Variants in MACROD2 observed in about 807,000 individuals in gnomAD.
MACROD2 encodes the protein mono-ADP ribosylhydrolase 2, also known as ADP-ribose glycohydrolase MACROD2.
Under a neutral mutation model 70.4 loss-of-function variants are expected in MACROD2, and 36 were observed. The observed-to-expected ratio is 0.51, with a 90% confidence interval of 0.39 to 0.68. The LOEUF is 0.68. Ranked by LOEUF, MACROD2 falls within the 30% of genes least tolerant of loss-of-function variation. MACROD2 has a pLI of 0.00. For synonymous variants in MACROD2, 172 were observed against 178.8 expected (o/e 0.96, Z 0.30); for missense variants, 496 against 538.4 (o/e 0.92, Z 0.78).
chr20:14,250,302 T>C (rs1252057211), intron 3 of MACROD2, among the ~76,000 whole-genome samples: 1 of 152,174 alleles, frequency 6.6e-6, no homozygotes, highest in African/African-American at 2.4e-5. Flanking sequence ...GACATGTCTG[T>C]ATTGTATTTC....
At chr20:14,692,924 C>G (rs975468935) in intron 5 of MACROD2, among the ~76,000 whole-genome samples, 2 of 152,188 alleles carry the variant, frequency 1.3e-5, no homozygotes, top group Non-Finnish European at 2.9e-5. Flanking sequence ...TAAATGTTGT[C>G]TTTTAAAAAA....
chr20:14,998,600 T>G (rs1455739210), intron 5 of MACROD2, among the ~76,000 whole-genome samples: 1 of 151,852 alleles, frequency 6.6e-6, no homozygotes, highest in Non-Finnish European at 1.5e-5. Flanking sequence ...GAAAAAAGAA[T>G]AAAAAAGAAT....
intron 5 of MACROD2, among the ~76,000 whole-genome samples, chr20:14,891,119 T>C (rs2073754997): frequency 6.6e-6 from 1 of 151,738 alleles, no homozygotes; most frequent in South Asian, 2.1e-4. Context: ...TAAAAACCCA[T>C]ACTTGGATAT....
At chr20:15,559,448 C>T (rs902236937) in intron 8 of MACROD2, among the ~76,000 whole-genome samples, 7 of 152,062 alleles carry the variant, frequency 4.6e-5, no homozygotes, top group African/African-American at 9.7e-5. Flanking sequence ...ATATTGAAAT[C>T]GCAATCTTAT....
intron 4 of MACROD2, among the ~76,000 whole-genome samples, chr20:14,597,682 C>T (rs1057469215): frequency 6.6e-6 from 1 of 152,122 alleles, no homozygotes; most frequent in Non-Finnish European, 1.5e-5. Flanking sequence ...ATAATTAGCT[C>T]AACTTGCCTT....
intron 3 of MACROD2, among the ~76,000 whole-genome samples, chr20:14,420,314 C>G (rs1008721577): frequency 1.3e-5 from 2 of 152,002 alleles, no homozygotes; most frequent in African/African-American, 4.8e-5. Flanking sequence ...GCACCTGTAC[C>G]ATTTTACATT....
intron 13 of MACROD2, among the ~76,000 whole-genome samples, chr20:15,984,488 AT>A: frequency 6.6e-6 from 1 of 151,984 alleles, no homozygotes; most frequent in East Asian, 1.9e-4. Flanking sequence ...TTTTTATAAC[AT>A]TTTTTCTTTC....
intron 8 of MACROD2, among the ~76,000 whole-genome samples, chr20:15,795,457 G>A (rs746988969): frequency 6.6e-5 from 10 of 152,000 alleles, no homozygotes; most frequent in Non-Finnish European, 1.5e-4. Context: ...CAGAGCCAAG[G>A]GGAGTGGGAG....
intron 3 of MACROD2, among the ~76,000 whole-genome samples, chr20:14,200,519 C>T (rs1199533400): frequency 6.6e-6 from 1 of 152,072 alleles, no homozygotes; most frequent in Non-Finnish European, 1.5e-5. Flanking sequence ...TGGACATGTA[C>T]CCCTGAACTT....
At position 14,777,795 on chromosome 20, in the gene MACROD2, G is replaced by A. The variant is rs141081810; in HGVS notation, c.418+92836G>A. Reference sequence around the variant, plus strand: ...GTGTAAGGAATGTGTGAGTTTCCACGCTGACATCCTCCCATACCAACAGCA... The same window carrying A: ...GTGTAAGGAATGTGTGAGTTTCCACACTGACATCCTCCCATACCAACAGCA... On this transcript the variant is annotated intron_variant, in intron 5 of 17. Transcript: ENST00000684519. Among the ~76,000 whole-genome samples, 329 of 152,186 alleles carry A rather than the reference G, an allele frequency of 2.2e-3. 3 individuals are homozygous for A. The highest frequency in any genetic ancestry group is 9.5e-3 in the South Asian group (46 of 4,826).
intron 3 of MACROD2, among the ~76,000 whole-genome samples, chr20:14,356,576 C>T (rs1479075140): frequency 7.1e-6 from 1 of 141,032 alleles, no homozygotes; most frequent in East Asian, 2.1e-4. Flanking sequence ...GCAATTTTGG[C>T]TCACTGCAAC....
At chr20:15,168,948 G>C (rs2145885325) in intron 5 of MACROD2, among the ~76,000 whole-genome samples, 1 of 152,264 alleles carries the variant, frequency 6.6e-6, no homozygotes. Context: ...GAGATATCTA[G>C]AGTAGTCAAA....
chr20:15,546,106 G>T (rs766049410), intron 8 of MACROD2, among the ~76,000 whole-genome samples: 1 of 152,154 alleles, frequency 6.6e-6, no homozygotes, highest in African/African-American at 2.4e-5. Context: ...TTAGCCAAGC[G>T]TGGTGATGCA....
chr20:14,340,473 G>A (rs1305944914), intron 3 of MACROD2, among the ~76,000 whole-genome samples: 4 of 152,024 alleles, frequency 2.6e-5, no homozygotes, highest in Non-Finnish European at 5.9e-5. Context: ...ACAAAGGGAG[G>A]TAGTACAGGG....
intron 15 of MACROD2, among the ~76,000 whole-genome samples, chr20:16,016,671 G>A (rs2066933549): frequency 6.6e-6 from 1 of 152,172 alleles, no homozygotes; most frequent in Non-Finnish European, 1.5e-5. Context: ...GAGTAGCTGG[G>A]ATTACAGGCA....
intron 3 of MACROD2, among the ~76,000 whole-genome samples, chr20:14,247,432 A>G (rs1404962604): frequency 6.6e-6 from 1 of 152,206 alleles, no homozygotes; most frequent in Non-Finnish European, 1.5e-5. Flanking sequence ...GCTACGTAAG[A>G]ATTAGATGAA....
intron 8 of MACROD2, among the ~76,000 whole-genome samples, chr20:15,778,444 A>G (rs1021862943): frequency 9.2e-5 from 14 of 152,086 alleles, no homozygotes; most frequent in African/African-American, 3.4e-4. Flanking sequence ...CATAAGCGAC[A>G]CATAATAATT....
intron 8 of MACROD2, among the ~76,000 whole-genome samples, chr20:15,516,294 C>T (rs1032989168): frequency 6.6e-6 from 1 of 151,918 alleles, no homozygotes; most frequent in African/African-American, 2.4e-5. Flanking sequence ...AAAATATGCC[C>T]TTCAAAAAAA....
chr20:14,521,829 G>C (rs1226611892), intron 4 of MACROD2, among the ~76,000 whole-genome samples: 1 of 152,202 alleles, frequency 6.6e-6, no homozygotes, highest in Admixed American at 6.5e-5. Context: ...TCCATGGGAA[G>C]TCTTTTAATC....
Sources: allele counts gnomAD v4.1 joint callset (sites outside exome capture counted in the v4.1 genomes callset), GRCh38; gene constraint gnomAD v4.1.1; transcripts MANE v1.5; gene names NCBI Gene and HGNC (gene_info 2026-07-23, HGNC 2026-07-21).